RFX7: variants seen among roughly 807,000 people sequenced by gnomAD.
The protein encoded by RFX7 is regulatory factor X7, also known as DNA-binding protein RFX7.
Under a neutral mutation model 111.8 loss-of-function variants are expected in RFX7, and 26 were observed. That is an observed-to-expected ratio of 0.23 (90% confidence interval 0.17 to 0.32). The LOEUF is 0.32. RFX7 is among the 10% of genes least tolerant of loss of function. RFX7 has a pLI of 1.00. For synonymous variants in RFX7, 624 were observed against 624.4 expected (o/e 1.00, Z 0.01); for missense variants, 1,573 against 1,772.9 (o/e 0.89, Z 2.02).
At chr15:56,187,509 A>G (rs2043054238) in intron 2 of RFX7, among the ~76,000 whole-genome samples, 2 of 152,138 alleles carry the variant, frequency 1.3e-5, no homozygotes, top group South Asian at 4.2e-4. Context: ...CTTTTGCCTG[A>G]GGGTACTTAT....
chr15:56,218,647 C>A (rs539734281), intron 2 of RFX7, among the ~76,000 whole-genome samples: 1 of 152,188 alleles, frequency 6.6e-6, no homozygotes, highest in South Asian at 2.1e-4. Flanking sequence ...AAGCGGAAAG[C>A]CAACTTTAAC....
intron 5 of RFX7, among the ~76,000 whole-genome samples, chr15:56,134,483 A>G (rs530961918): frequency 6.6e-6 from 1 of 152,064 alleles, no homozygotes; most frequent in Non-Finnish European, 1.5e-5. Flanking sequence ...CATTAGAATA[A>G]TTCTCTCCAA....
chr15:56,208,680 C>A (rs1021530037), intron 2 of RFX7, among the ~76,000 whole-genome samples: 11 of 151,966 alleles, frequency 7.2e-5, no homozygotes, highest in Non-Finnish European at 1.3e-4. Flanking sequence ...ACTGCAAGAA[C>A]AGATGGGCAA....
Position 56,237,282 on chromosome 15 carries a change from A to G in RFX7, c.161+5843T>C, listed in dbSNP as rs373322267. 1.3e-3 allele frequency among the ~76,000 whole-genome samples: 200 copies of G among 152,248 alleles called. 1 individual carries two copies. Among genetic ancestry groups the G allele is most frequent in the African/African-American group, 4.6e-3 (190 of 41,574 alleles). On this transcript the variant is annotated intron_variant, in intron 2 of 9. Transcript: ENST00000559447. ...TGGTCCCCTAACTGAATAAAAGAGA[A>G]GTTTTATTGCATATTTTTGCTTAGG...
rs571701865 is a variant in RFX7 at position 56,154,554 on chromosome 15, G to T, written c.196-10071C>A. On this transcript the variant is annotated intron_variant, in intron 3 of 9. Coordinates refer to ENST00000559447, the MANE Select transcript of RFX7 (RefSeq NM_022841.7). ...GAAAGGATTCCCTATTTAATAAATGGTGCTGGGAAAACTGGCTAGCCATAT... is the reference window on the plus strand; with the variant it reads ...GAAAGGATTCCCTATTTAATAAATGTTGCTGGGAAAACTGGCTAGCCATAT... Among the ~76,000 whole-genome samples, 8 of 152,252 alleles carry T rather than the reference G, an allele frequency of 5.3e-5. No individual in the cohort carries two copies. The South Asian group carries it at 1.5e-3, about 28-fold the overall frequency.
chr15:56,114,315 G>A (rs2041977630), intron 5 of RFX7, among the ~76,000 whole-genome samples: 3 of 151,116 alleles, frequency 2.0e-5, no homozygotes. Context: ...GGAGGCTGAG[G>A]CAGGAGAAAT....
chr15:56,235,375 C>T (rs1397712447), intron 2 of RFX7, among the ~76,000 whole-genome samples: 1 of 152,050 alleles, frequency 6.6e-6, no homozygotes, highest in Non-Finnish European at 1.5e-5. Flanking sequence ...GGGGTTTCAC[C>T]ATGTTAGCCA....
At chr15:56,207,163 A>T (rs1200436966) in intron 2 of RFX7, among the ~76,000 whole-genome samples, 2 of 152,308 alleles carry the variant, frequency 1.3e-5, no homozygotes, top group African/African-American at 4.8e-5. Flanking sequence ...ATTAAAAATT[A>T]AAAAAGACCC....
chr15:56,115,299 G>A (rs1038236266), intron 5 of RFX7, among the ~76,000 whole-genome samples: 38 of 151,946 alleles, frequency 2.5e-4, no homozygotes, highest in Non-Finnish European at 2.1e-4. Flanking sequence ...GGGGTGAGCC[G>A]CTGGGATTAC....
intron 2 of RFX7, among the ~76,000 whole-genome samples, chr15:56,194,450 C>A (rs1226425271): frequency 6.6e-6 from 1 of 152,086 alleles, no homozygotes; most frequent in East Asian, 1.9e-4. Flanking sequence ...GCTTCTACCC[C>A]TATAAAATAA....
chr15:56,117,141 T>C (rs1340733146), intron 5 of RFX7, among the ~76,000 whole-genome samples: 4 of 152,190 alleles, frequency 2.6e-5, no homozygotes, highest in African/African-American at 7.2e-5. Context: ...TGTAAACTTA[T>C]AATCTGTATA....
At chr15:56,174,662 G>A (rs952472798) in intron 3 of RFX7, among the ~76,000 whole-genome samples, 17 of 151,966 alleles carry the variant, frequency 1.1e-4, no homozygotes, top group Non-Finnish European at 1.8e-4. Context: ...AAGGAGAATC[G>A]CTTGAACCTG....
At chr15:56,099,505 C>T (rs568282308) in intron 8 of RFX7, among the ~76,000 whole-genome samples, 1 of 152,114 alleles carries the variant, frequency 6.6e-6, no homozygotes, top group Non-Finnish European at 1.5e-5. Context: ...GAGCCTCTGC[C>T]AATGGCTCAT....
chr15:56,231,049 G>A lies in RFX7; in HGVS notation c.161+12076C>T, dbSNP rs539403287. ...TGATGTAAAACAGAAAAGATGTAAA[G>A]CAGGAATTAAAGTAGGATCACAGAA... is the stretch of plus-strand genomic sequence containing the variant. On this transcript the variant is annotated intron_variant, in intron 2 of 9. Transcript: ENST00000559447. Among the ~76,000 whole-genome samples, 8 of 152,308 alleles carry A rather than the reference G, an allele frequency of 5.3e-5. No individual in the cohort carries two copies. The South Asian group carries it at 1.7e-3, about 32-fold the overall frequency.
In RFX7 at chr15:56,107,270, C is replaced by A. The variant is rs370896666; in HGVS notation, c.402-3600G>T. On this transcript the variant is annotated intron_variant, in intron 5 of 9. Coordinates refer to ENST00000559447, the MANE Select transcript of RFX7 (RefSeq NM_022841.7). ...CGAGATCGCGCCACTGCACTCCAGC[C>A]TGGGCAGTAGAGCAAGACTCCGTCT... Among the ~76,000 whole-genome samples the A allele has an allele frequency of 1.8e-5, 2 of 110,482 alleles. 1 individual carries two copies. 72.5% of individuals were successfully genotyped at this position (110,482 alleles called of 152,430 possible).
intron 5 of RFX7, among the ~76,000 whole-genome samples, chr15:56,131,414 A>G (rs35972806): frequency 6.6e-6 from 1 of 151,636 alleles, no homozygotes; most frequent in Non-Finnish European, 1.5e-5. Context: ...CTACCGGTGC[A>G]TGCCACCATG....
intron 3 of RFX7, chr15:56,160,700 G>T (rs1450357153): frequency 1.3e-5 from 2 of 152,124 alleles, no homozygotes; most frequent in East Asian, 3.9e-4. Flanking sequence ...TAAATTTATG[G>T]AAACAATCAA....
chr15:56,187,463 G>A (rs73409498), intron 2 of RFX7, among the ~76,000 whole-genome samples: 5,544 of 152,020 alleles, frequency 0.036, 358 homozygotes, highest in African/African-American at 0.13. Context: ...CACCTGCCTC[G>A]GCCTCCCAAA....
chr15:56,226,365 C>T (rs1316596173), intron 2 of RFX7, among the ~76,000 whole-genome samples: 4 of 151,988 alleles, frequency 2.6e-5, no homozygotes, highest in African/African-American at 7.3e-5. Flanking sequence ...AAAGGAAATA[C>T]AAATGTAGGT....
Sources: gnomAD v4.1 joint callset for allele counts (sites outside exome capture counted in the v4.1 genomes callset) on GRCh38, gnomAD v4.1.1 for gene constraint, MANE v1.5 for transcripts, NCBI Gene and HGNC (gene_info 2026-07-23, HGNC 2026-07-21) for gene names.